Variants in CFAP61 observed in about 807,000 individuals in gnomAD.
CFAP61 encodes cilia- and flagella-associated protein 61.
In CFAP61, 107 loss-of-function variants were observed where a neutral mutation model predicts 135.6. The observed-to-expected ratio is 0.79, with a 90% CI of 0.67 to 0.93. The LOEUF is 0.93. Ranked by LOEUF, CFAP61 falls within the 40% of genes least tolerant of loss-of-function variation. The probability of loss-of-function intolerance (pLI) is 0.00; values close to 1 mark genes in which losing one functional copy is unlikely to be tolerated. For missense variants in CFAP61, 1,507 were observed against 1,556.2 expected, an observed-to-expected ratio of 0.97 and a Z score of 0.53; for synonymous variants, 575 against 578.5, an observed-to-expected ratio of 0.99 and a Z score of 0.09.
At chr20:20,193,961 T>C (rs2056108076) in intron 15 of CFAP61, among the ~76,000 whole-genome samples, 1 of 152,216 alleles carries the variant, frequency 6.6e-6, no homozygotes. Flanking sequence ...GTATCCAATG[T>C]CATTGATAAA....
intron 18 of CFAP61, among the ~76,000 whole-genome samples, chr20:20,233,790 T>C (rs1054557745): frequency 3.3e-5 from 5 of 152,222 alleles, no homozygotes; most frequent in African/African-American, 1.2e-4. Flanking sequence ...CGTTTCAGTA[T>C]AACTTATCTC....
Position 20,351,151 on chromosome 20 carries a change from G to A in CFAP61, c.3514-9059G>A, listed in dbSNP as rs550640832. Among the ~76,000 whole-genome samples the A allele has an allele frequency of 2.6e-5, 4 of 152,284 alleles. No individual in the cohort carries two copies. The South Asian group carries it at 8.3e-4, about 32-fold the overall frequency. On this transcript the variant is annotated intron_variant, in intron 26 of 26. Coordinates refer to ENST00000245957, the MANE Select transcript of CFAP61 (RefSeq NM_015585.4). ...GAAATAAACACATCCAACTAGGAAA[G>A]GAAGAGGTGAAATTGTCTCTGTTTG...
chr20:20,178,289 A>G (rs948477803), intron 13 of CFAP61, among the ~76,000 whole-genome samples: 1 of 152,186 alleles, frequency 6.6e-6, no homozygotes, highest in Admixed American at 6.5e-5. Flanking sequence ...TGCTTCCTTT[A>G]TGATACATTT....
intron 6 of CFAP61, among the ~76,000 whole-genome samples, chr20:20,081,189 TC>T (rs2146592284): frequency 6.6e-6 from 1 of 152,304 alleles, no homozygotes; most frequent in South Asian, 2.1e-4. Flanking sequence ...TTAAACATGT[TC>T]CTACAAAGTA....
chr20:20,102,449 C>G (rs2048098704), intron 8 of CFAP61, among the ~76,000 whole-genome samples: 1 of 152,174 alleles, frequency 6.6e-6, no homozygotes, highest in Non-Finnish European at 1.5e-5. Context: ...TTTCAGTTGT[C>G]CATAATAGTA....
chr20:20,271,585 A>G (rs1479022776), intron 21 of CFAP61, among the ~76,000 whole-genome samples: 1 of 152,144 alleles, frequency 6.6e-6, no homozygotes, highest in African/African-American at 2.4e-5. Flanking sequence ...GAGCTTCCAC[A>G]CAGTCGCCTT....
intron 18 of CFAP61, among the ~76,000 whole-genome samples, chr20:20,235,789 C>T (rs2049543049): frequency 6.6e-6 from 1 of 152,160 alleles, no homozygotes; most frequent in Admixed American, 6.5e-5. Flanking sequence ...GGAAGGGAAG[C>T]CCAGAAACAG....
chr20:20,116,079 TC>T (rs1482685965), intron 8 of CFAP61, among the ~76,000 whole-genome samples: 1 of 152,202 alleles, frequency 6.6e-6, no homozygotes, highest in African/African-American at 2.4e-5. Flanking sequence ...ATGTTTGGGT[TC>T]CCCTTCTCTA....
intron 24 of CFAP61, among the ~76,000 whole-genome samples, chr20:20,292,237 G>A (rs952980921): frequency 3.3e-5 from 5 of 152,246 alleles, no homozygotes; most frequent in African/African-American, 9.6e-5. Context: ...TAGCCAGTAA[G>A]TGGTGAAGAT....
intron 25 of CFAP61, among the ~76,000 whole-genome samples, chr20:20,306,765 C>T (rs1187300533): frequency 6.6e-6 from 1 of 152,060 alleles, no homozygotes. Flanking sequence ...TGGCATTCTC[C>T]CTGGCTATAC....
chr20:20,222,408 G>A (rs1272334687), intron 17 of CFAP61, among the ~76,000 whole-genome samples: 1 of 152,098 alleles, frequency 6.6e-6, no homozygotes, highest in African/African-American at 2.4e-5. Flanking sequence ...TTTTGAGTAT[G>A]CTCTATCCAG....
At chr20:20,297,547 G>A (rs1405495993) in intron 24 of CFAP61, among the ~76,000 whole-genome samples, 1 of 152,188 alleles carries the variant, frequency 6.6e-6, no homozygotes, top group Non-Finnish European at 1.5e-5. Flanking sequence ...TTGGGCTGAT[G>A]TGGCAATTGG....
chr20:20,323,207 T>G, intron 25 of CFAP61: 2 of 985,398 alleles, frequency 2.0e-6, no homozygotes, highest in Non-Finnish European at 2.4e-6. Flanking sequence ...AATAAACGGA[T>G]CTCATTCAGC....
intron 13 of CFAP61, among the ~76,000 whole-genome samples, chr20:20,180,764 G>A (rs570449390): frequency 9.9e-5 from 15 of 152,224 alleles, no homozygotes; most frequent in Admixed American, 2.6e-4. Flanking sequence ...CTAAATGCCC[G>A]TCAGTGTTAA....
chr20:20,075,724 T>C, intron 6 of CFAP61, 109 bp downstream of exon 6: 1 of 1,169,006 alleles, frequency 8.6e-7, no homozygotes, highest in Non-Finnish European at 1.2e-6. Context: ...ATCAAAATTT[T>C]TTACAATACT....
rs540490393 is a variant in CFAP61, at chr20:20,079,111, G to A, written c.566+3496G>A. Among the ~76,000 whole-genome samples, 967 of 152,318 alleles carry A rather than the reference G, an allele frequency of 6.3e-3. 20 individuals are homozygous for A. The highest frequency in any genetic ancestry group is 0.022 in the African/African-American group (916 of 41,552). On this transcript the variant is annotated intron_variant, in intron 6 of 26. Transcript: ENST00000245957. The stretch of plus-strand genomic sequence containing the variant: ...AAAATCAGATGAACTTTGGGTGAGA[G>A]GAAGGGGGCCCTCCTGCCCAGACAT...
intron 17 of CFAP61, among the ~76,000 whole-genome samples, chr20:20,207,603 C>T (rs773480819): frequency 1.3e-5 from 2 of 152,180 alleles, no homozygotes; most frequent in Non-Finnish European, 2.9e-5. Flanking sequence ...GCAGCTCCAA[C>T]GTGAGGCTTT....
chr20:20,180,278 G>T (rs929958313), intron 13 of CFAP61, among the ~76,000 whole-genome samples: 1 of 151,516 alleles, frequency 6.6e-6, no homozygotes, highest in African/African-American at 2.4e-5. Flanking sequence ...GCAGTGAGCC[G>T]AGATCACGCC....
chr20:20,288,150 A>G (rs562429468), intron 22 of CFAP61, among the ~76,000 whole-genome samples: 35 of 152,322 alleles, frequency 2.3e-4, no homozygotes, highest in South Asian at 1.0e-3. Context: ...TTTAAAAGCT[A>G]GCAATGGGCA....
Sources: allele counts gnomAD v4.1 joint callset (sites outside exome capture counted in the v4.1 genomes callset), GRCh38; gene constraint gnomAD v4.1.1; transcripts MANE v1.5; gene names NCBI Gene and HGNC (gene_info 2026-07-23, HGNC 2026-07-21).